GNB4: variants seen among roughly 807,000 people sequenced by gnomAD.
The protein encoded by GNB4 is G protein subunit beta 4.
GNB4 carries 28 observed loss-of-function variants against 45.2 expected under a neutral mutation model. That is an observed-to-expected ratio of 0.62 (90% CI 0.46 to 0.85). The LOEUF (loss-of-function observed/expected upper bound fraction) is 0.85, where lower values mean the gene tolerates loss of function less well. Ranked by LOEUF, GNB4 falls within the 40% of genes least tolerant of loss-of-function variation. The pLI is 0.00. For synonymous variants in GNB4, 132 were observed against 143.7 expected (o/e 0.92, Z 0.58); for missense variants, 321 against 425.4 (o/e 0.75, Z 2.16).
At chr3:179,418,866 C>T (rs1474838789) in intron 4 of GNB4, among the ~76,000 whole-genome samples, 99 of 152,248 alleles carry the variant, frequency 6.5e-4, no homozygotes, top group Admixed American at 6.4e-3. Context: ...TAACTGTAGG[C>T]CACGTAGCAG....
intron 1 of GNB4, 135 bp downstream of exon 1, chr3:179,451,211 A>ACCCGC (rs1423855735): frequency 6.0e-5 from 9 of 150,414 alleles, no homozygotes; most frequent in African/African-American, 9.7e-5. Flanking sequence ...GCCCGGGGAG[A>ACCCGC]CCCGCCCCGC....
the GNB4 span, among the ~76,000 whole-genome samples, chr3:179,461,748 T>A: frequency 6.6e-6 from 1 of 152,176 alleles, no homozygotes; most frequent in Non-Finnish European, 1.5e-5. Context: ...TACTATGACA[T>A]TTTGTATATT....
intron 2 of GNB4, among the ~76,000 whole-genome samples, chr3:179,421,249 T>A (rs1714971805): frequency 6.6e-6 from 1 of 152,198 alleles, no homozygotes; most frequent in Admixed American, 6.5e-5. Context: ...TAATTTACTT[T>A]CTTTCTCTAT....
At chr3:179,407,084 AAAC>A (rs1354863951) in intron 8 of GNB4, among the ~76,000 whole-genome samples, 3 of 152,222 alleles carry the variant, frequency 2.0e-5, no homozygotes, top group East Asian at 1.9e-4. Flanking sequence ...AAAAAACTAA[AAAC>A]AACTGGACAA....
the GNB4 span, among the ~76,000 whole-genome samples, chr3:179,501,298 A>AT: frequency 0.041 from 5,389 of 131,194 alleles, 152 homozygotes; most frequent in South Asian, 0.094. Flanking sequence ...AATTGCCTAC[A>AT]TTTTTTTTTT....
the GNB4 span, among the ~76,000 whole-genome samples, chr3:179,507,389 T>A: frequency 2.7e-5 from 4 of 148,502 alleles, no homozygotes; most frequent in African/African-American, 1.0e-4. Flanking sequence ...GACAGGAAGG[T>A]AGGAAGGAAG....
chr3:179,480,942 C>T, the GNB4 span, among the ~76,000 whole-genome samples: 1 of 150,846 alleles, frequency 6.6e-6, no homozygotes, highest in East Asian at 2.0e-4. Flanking sequence ...AGCTCCGCCT[C>T]CCGGGTTCAC....
the GNB4 span, among the ~76,000 whole-genome samples, chr3:179,490,602 T>G: frequency 1.3e-5 from 2 of 152,088 alleles, no homozygotes; most frequent in Admixed American, 6.6e-5. Flanking sequence ...CTGGTATAAG[T>G]CCTGTTGTCC....
At chr3:179,492,898 G>T in the GNB4 span, among the ~76,000 whole-genome samples, 10 of 152,292 alleles carry the variant, frequency 6.6e-5, no homozygotes, top group African/African-American at 2.4e-4. Flanking sequence ...CACAGCTGGG[G>T]CTACTGTCAC....
intron 6 of GNB4, among the ~76,000 whole-genome samples, chr3:179,414,284 G>A (rs776619166): frequency 7.2e-5 from 11 of 152,038 alleles, no homozygotes; most frequent in Non-Finnish European, 1.3e-4. Flanking sequence ...TGAAAGATGT[G>A]GCATTTGAAT....
the GNB4 span, among the ~76,000 whole-genome samples, chr3:179,503,626 C>A: frequency 6.6e-6 from 1 of 152,144 alleles, no homozygotes; most frequent in South Asian, 2.1e-4. Flanking sequence ...TTTTCTGTTC[C>A]ATTTGTTTCT....
chr3:179,428,079 T>A (rs1331985168), intron 1 of GNB4, among the ~76,000 whole-genome samples: 1 of 152,220 alleles, frequency 6.6e-6, no homozygotes, highest in African/African-American at 2.4e-5. Flanking sequence ...ATGGTACAAA[T>A]ATCTGTTTAT....
At chr3:179,446,133 C>T (rs1285428947) in intron 1 of GNB4, among the ~76,000 whole-genome samples, 2 of 152,170 alleles carry the variant, frequency 1.3e-5, no homozygotes, top group East Asian at 1.9e-4. Flanking sequence ...TGTGAACTTA[C>T]CAAGCATTTT....
Position 179,405,364 on chromosome 3 carries a change from C to T in GNB4, c.742G>A (p.Ala248Thr). 6.2e-7 allele frequency: 1 copy of T among 1,613,818 alleles called. No homozygotes were observed. The highest frequency in any genetic ancestry group is 8.5e-7 in the Non-Finnish European group (1 of 1,179,788). ...GYAFATGSDD[A>T]TCRLFDLRAD... Reference sequence around the variant, plus strand: ...CGAAGGTCAAAGAGCCGGCAAGTGGCATCATCAGAGCCAGTGGCGAAGGCA... The same window carrying T: ...CGAAGGTCAAAGAGCCGGCAAGTGGTATCATCAGAGCCAGTGGCGAAGGCA... Residue 248 changes from alanine to threonine, a missense_variant, in exon 9 of 10, where the codon GCC becomes ACC. Ala to Thr is a moderately conservative substitution (Grantham distance 58). Transcript: ENST00000232564.
chr3:179,412,994 A>G (rs868022281), intron 8 of GNB4, among the ~76,000 whole-genome samples: 1 of 152,190 alleles, frequency 6.6e-6, no homozygotes, highest in Non-Finnish European at 1.5e-5. Flanking sequence ...AGCCTGGACA[A>G]CATGGCAAAA....
the GNB4 span, among the ~76,000 whole-genome samples, chr3:179,487,473 C>G: frequency 6.6e-6 from 1 of 152,152 alleles, no homozygotes; most frequent in African/African-American, 2.4e-5. Flanking sequence ...GAGTTCCCAG[C>G]CATGACAGCA....
the GNB4 span, among the ~76,000 whole-genome samples, chr3:179,478,677 T>C: frequency 6.6e-6 from 1 of 152,140 alleles, no homozygotes; most frequent in Non-Finnish European, 1.5e-5. Context: ...CCTGAGTAGC[T>C]AGGACTACAG....
At chr3:179,503,087 A>G in the GNB4 span, among the ~76,000 whole-genome samples, 1 of 152,206 alleles carries the variant, frequency 6.6e-6, no homozygotes, top group Admixed American at 6.5e-5. Context: ...TCCCACCCAA[A>G]GGTTCTGAGA....
At chr3:179,503,257 A>G in the GNB4 span, among the ~76,000 whole-genome samples, 1 of 152,280 alleles carries the variant, frequency 6.6e-6, no homozygotes, top group Non-Finnish European at 1.5e-5. Flanking sequence ...GGTAAAACAT[A>G]CTGATTTCTG....
Sources: gnomAD v4.1 joint callset for allele counts (sites outside exome capture counted in the v4.1 genomes callset) on GRCh38, gnomAD v4.1.1 for gene constraint, MANE v1.5 for transcripts, NCBI Gene and HGNC (gene_info 2026-07-23, HGNC 2026-07-21) for gene names.